The following ZNF786 variants were observed in gnomAD, a reference collection of about 807,000 sequenced individuals.
ZNF786 encodes zinc finger protein 786.
Under a neutral mutation model 63.1 loss-of-function variants are expected in ZNF786, and 56 were observed. The observed-to-expected ratio is 0.89, with a 90% CI of 0.72 to 1.11. ZNF786 has a LOEUF of 1.11. Ranked by LOEUF, ZNF786 falls within the 50% of genes least tolerant of loss-of-function variation. The pLI is 0.00. For synonymous variants in ZNF786, 485 were observed against 406.9 expected (o/e 1.19, Z -2.31); for missense variants, 1,213 against 1,041.8 (o/e 1.16, Z -2.26).
intron 1 of ZNF786, among the ~76,000 whole-genome samples, chr7:149,088,507 A>T (rs555170749): frequency 6.6e-6 from 1 of 152,200 alleles, no homozygotes; most frequent in Non-Finnish European, 1.5e-5. Context: ...CATATGCTGT[A>T]TTATTGCAGA....
chr7:149,079,439 G>C (rs1027151094), intron 2 of ZNF786, among the ~76,000 whole-genome samples: 1 of 151,438 alleles, frequency 6.6e-6, no homozygotes, highest in Non-Finnish European at 1.5e-5. Context: ...AGGAGACTTC[G>C]ATCTTTCACT....
chr7:149,070,760 G>T lies in ZNF786; in HGVS notation c.2012C>A (p.Thr671Lys). 1 of 1,613,500 alleles carries T rather than the reference G, an allele frequency of 6.2e-7. No homozygotes were observed. Among genetic ancestry groups the T allele is most frequent in the Non-Finnish European group, 8.5e-7 (1 of 1,179,920 alleles). ...SKLIEHIRTH[T>K]GEKPFQCPKC... ...GGGACACTGAAAAGGCTTCTCTCCC[G>T]TGTGCGTTCTGATGTGCTCGATGAG... Residue 671 changes from threonine to lysine, a missense_variant, in exon 4 of 4, where the codon ACG (threonine) becomes AAG (lysine). Coordinates refer to ENST00000491431, the MANE Select transcript of ZNF786 (RefSeq NM_152411.4).
At chr7:149,079,234 C>G (rs1347004589) in intron 2 of ZNF786, among the ~76,000 whole-genome samples, 2 of 151,974 alleles carry the variant, frequency 1.3e-5, no homozygotes, top group Non-Finnish European at 2.9e-5. Flanking sequence ...CGGTGAAACC[C>G]TGTCTCTACT....
rs546348966 is a variant in ZNF786, at chr7:149,074,672, A to G, written c.146-134T>C. On this transcript the variant is annotated intron_variant, in intron 2 of 3. Coordinates refer to ENST00000491431, the MANE Select transcript of ZNF786 (RefSeq NM_152411.4). The stretch of plus-strand genomic sequence containing the variant: ...CAAAAAAAAAAAAACAGGTTTACAC[A>G]AAGATGAAAAAACCGCCTACACATC... 3.7e-5 allele frequency: 40 copies of G among 1,089,222 alleles called. No homozygotes were observed. The East Asian group carries it at 1.0e-3, about 28-fold the overall frequency. The allele number at this position is 1,089,222 out of a possible 1,614,324, so 67.5% of individuals were successfully genotyped here.
At chr7:149,086,009 G>C (rs2129516873) in intron 1 of ZNF786, among the ~76,000 whole-genome samples, 1 of 152,276 alleles carries the variant, frequency 6.6e-6, no homozygotes, top group Non-Finnish European at 1.5e-5. Context: ...TCTACATATA[G>C]AATCATACAG....
At chr7:149,077,760 C>T (rs1049667171) in intron 2 of ZNF786, among the ~76,000 whole-genome samples, 3 of 152,080 alleles carry the variant, frequency 2.0e-5, no homozygotes, top group Non-Finnish European at 4.4e-5. Flanking sequence ...TCGAGACCAG[C>T]CTGGGCAACA....
At chr7:149,084,984 G>T (rs1225367558) in intron 1 of ZNF786, among the ~76,000 whole-genome samples, 1 of 152,106 alleles carries the variant, frequency 6.6e-6, no homozygotes, top group Non-Finnish European at 1.5e-5. Context: ...TGTAAGGAAG[G>T]GGTGCAGTGT....
intron 3 of ZNF786, among the ~76,000 whole-genome samples, chr7:149,073,497 C>G (rs930616667): frequency 6.6e-6 from 1 of 151,852 alleles, no homozygotes; most frequent in Non-Finnish European, 1.5e-5. Flanking sequence ...GCCAGGAGTT[C>G]AAGACTGCAG....
intron 2 of ZNF786, among the ~76,000 whole-genome samples, chr7:149,079,279 G>T (rs1825613863): frequency 7.9e-5 from 12 of 151,746 alleles, no homozygotes; most frequent in Admixed American, 7.9e-4. Flanking sequence ...TGCAGTGGTG[G>T]GCGCCTGTAG....
chr7:149,076,151 G>T (rs1350674854), intron 2 of ZNF786, among the ~76,000 whole-genome samples: 3 of 151,560 alleles, frequency 2.0e-5, no homozygotes, highest in Non-Finnish European at 4.4e-5. Context: ...TTTCACTCTT[G>T]TTGCCCAGGC....
At chr7:149,074,336 A>T (rs1471348615) in intron 3 of ZNF786, 50 bp downstream of exon 3, 13 of 1,599,628 alleles carry the variant, frequency 8.1e-6, no homozygotes, top group Non-Finnish European at 1.1e-5. Flanking sequence ...AAGAGAAACA[A>T]ATCTGAACAT....
At chr7:149,080,044 C>G (rs1368239100) in intron 2 of ZNF786, among the ~76,000 whole-genome samples, 1 of 151,892 alleles carries the variant, frequency 6.6e-6, no homozygotes, top group Non-Finnish European at 1.5e-5. Context: ...TGGCAGCACG[C>G]ACCTGTAGTC....
chr7:149,090,692 C>T lies in ZNF786; in HGVS notation c.-52G>A. On this transcript the variant is annotated 5_prime_UTR_variant, in exon 1 of 4. Transcript: ENST00000491431. ...GCAAACCCGACCGTCTCCGGCGGCT[C>T]CGCAGGAACCTGCCCTGCTGCGCAC... 1 of 1,559,902 alleles carries T rather than the reference C, an allele frequency of 6.4e-7. No homozygotes were observed. Among genetic ancestry groups the T allele is most frequent in the Non-Finnish European group, 8.7e-7 (1 of 1,151,846 alleles).
intron 1 of ZNF786, among the ~76,000 whole-genome samples, chr7:149,085,848 G>A (rs913896043): frequency 6.6e-6 from 1 of 152,182 alleles, no homozygotes; most frequent in Non-Finnish European, 1.5e-5. Context: ...GACTAGATGT[G>A]AATGGGACTG....
intron 2 of ZNF786, among the ~76,000 whole-genome samples, chr7:149,078,819 T>C (rs888151735): frequency 4.6e-5 from 7 of 152,340 alleles, no homozygotes; most frequent in African/African-American, 1.7e-4. Context: ...ATTATCTTTA[T>C]ATACTGAATG....
At position 149,071,410 on chromosome 7, in the gene ZNF786, C is replaced by T. The variant is rs139971540; in HGVS notation, c.1362G>A (p.Arg454=). 9 of 1,613,448 alleles carry T rather than the reference C, an allele frequency of 5.6e-6. No individual in the cohort carries two copies. In the African/African-American group the frequency reaches 1.1e-4, roughly 19 times the overall value. Residue 454 remains arginine (R), a synonymous_variant, in exon 4 of 4, where the codon CGG becomes CGA. Transcript: ENST00000491431. ...IRVHSGEKPF[R]CAKCGRNFRQ... is the part of the protein sequence containing the mutation. ...GGAAGTTCCTGCCACACTTGGCACACCGGAAAGGCTTCTCTCCGCTGTGGA... is the reference window on the plus strand; with the variant it reads ...GGAAGTTCCTGCCACACTTGGCACATCGGAAAGGCTTCTCTCCGCTGTGGA...
chr7:149,081,180 G>A (rs763268071), intron 1 of ZNF786: 5 of 456,166 alleles, frequency 1.1e-5, no homozygotes, highest in South Asian at 6.2e-5. Context: ...GGTCATGCCT[G>A]TAATCCCAGC....
chr7:149,077,841 C>T (rs1825583231), intron 2 of ZNF786, among the ~76,000 whole-genome samples: 1 of 149,278 alleles, frequency 6.7e-6, no homozygotes, highest in South Asian at 2.1e-4. Context: ...AACAGCGAAA[C>T]AAATTAAAAT....
chr7:149,074,679 A>G (rs1825511364), intron 2 of ZNF786, 141 bp from the exon 3 acceptor site: 1 of 977,058 alleles, frequency 1.0e-6, no homozygotes, highest in Non-Finnish European at 1.5e-6. Flanking sequence ...CACAAAGATG[A>G]AAAAACCGCC....
Sources: allele counts gnomAD v4.1 joint callset (sites outside exome capture counted in the v4.1 genomes callset), GRCh38; gene constraint gnomAD v4.1.1; transcripts MANE v1.5; gene names NCBI Gene and HGNC (gene_info 2026-07-23, HGNC 2026-07-21).